Variants in MTUS2 observed in about 807,000 individuals in gnomAD.
MTUS2 encodes the protein microtubule-associated tumor suppressor candidate 2.
Under a neutral mutation model 114.1 loss-of-function variants are expected in MTUS2, and 40 were observed. The observed-to-expected ratio is 0.35, with a 90% CI of 0.27 to 0.46. MTUS2 has a LOEUF of 0.46. Among genes scored for constraint, MTUS2 ranks in the 20% least tolerant of loss-of-function variants. The pLI is 1.00. For synonymous variants in MTUS2, 688 were observed against 672.0 expected, an observed-to-expected ratio of 1.02 and a Z score of -0.37; for missense variants, 1,679 against 1,705.4, an observed-to-expected ratio of 0.98 and a Z score of 0.27.
chr13:29,160,396 A>T (rs1479855908), intron 5 of MTUS2, among the ~76,000 whole-genome samples: 1 of 152,236 alleles, frequency 6.6e-6, no homozygotes, highest in Non-Finnish European at 1.5e-5. Flanking sequence ...TAGAAAATAC[A>T]TGTTAATCCA....
intron 8 of MTUS2, among the ~76,000 whole-genome samples, chr13:29,369,199 A>G (rs1870993076): frequency 6.6e-6 from 1 of 152,210 alleles, no homozygotes; most frequent in Admixed American, 6.5e-5. Context: ...AAGGACAACC[A>G]GCTTTTCCTG....
At chr13:29,181,888 T>G (rs1894022186) in intron 5 of MTUS2, among the ~76,000 whole-genome samples, 1 of 151,788 alleles carries the variant, frequency 6.6e-6, no homozygotes, top group African/African-American at 2.4e-5. Context: ...AGAAAATAAC[T>G]AACAGATACT....
intron 5 of MTUS2, among the ~76,000 whole-genome samples, chr13:29,117,349 T>C (rs1167625485): frequency 2.0e-5 from 3 of 152,122 alleles, no homozygotes; most frequent in Non-Finnish European, 2.9e-5. Flanking sequence ...CCCCTGTCAT[T>C]CTTATCACCT....
intron 6 of MTUS2, among the ~76,000 whole-genome samples, chr13:29,304,211 A>G (rs559229408): frequency 2.6e-5 from 4 of 152,214 alleles, no homozygotes; most frequent in Admixed American, 6.5e-5. Flanking sequence ...CAGGGACACT[A>G]TGAAGCAACC....
At chr13:28,953,586 A>C (rs1390229241) in intron 2 of MTUS2, among the ~76,000 whole-genome samples, 1 of 152,130 alleles carries the variant, frequency 6.6e-6, no homozygotes, top group African/African-American at 2.4e-5. Flanking sequence ...TTGTCTTTCA[A>C]CTTTGCTTGT....
At chr13:29,394,301 G>A (rs1332767985) in intron 8 of MTUS2, among the ~76,000 whole-genome samples, 9 of 152,110 alleles carry the variant, frequency 5.9e-5, no homozygotes, top group Admixed American at 5.9e-4. Flanking sequence ...ATCAATACCT[G>A]TAAGGTGTAC....
intron 9 of MTUS2, among the ~76,000 whole-genome samples, chr13:29,467,212 A>G (rs1879952155): frequency 6.6e-6 from 1 of 152,244 alleles, no homozygotes; most frequent in South Asian, 2.1e-4. Context: ...AGTGGTCGCA[A>G]ACTTAAAACT....
intron 6 of MTUS2, among the ~76,000 whole-genome samples, chr13:29,317,681 A>T (rs568636699): frequency 9.2e-5 from 1 of 10,840 alleles, no homozygotes; most frequent in African/African-American, 1.8e-4. Flanking sequence ...CTCGTGATCC[A>T]CCCGCCTCGG....
intron 8 of MTUS2, among the ~76,000 whole-genome samples, chr13:29,362,286 G>A (rs971136579): frequency 2.6e-5 from 4 of 152,076 alleles, no homozygotes; most frequent in Non-Finnish European, 4.4e-5. Context: ...TGCCCAGCTG[G>A]CAAAGGCACT....
chr13:29,256,093 G>A (rs899964595), intron 5 of MTUS2, among the ~76,000 whole-genome samples: 5 of 152,182 alleles, frequency 3.3e-5, no homozygotes, highest in African/African-American at 7.2e-5. Flanking sequence ...GGCCCCAGGC[G>A]GTATGACAGT....
At chr13:29,502,713 C>T (rs1345085503) in intron 15 of MTUS2, among the ~76,000 whole-genome samples, 2 of 152,282 alleles carry the variant, frequency 1.3e-5, no homozygotes, top group African/African-American at 4.8e-5. Context: ...CTTTCAGTCG[C>T]TGGCCTTTGC....
At chr13:29,241,170 G>C (rs1285253804) in intron 5 of MTUS2, among the ~76,000 whole-genome samples, 1 of 152,126 alleles carries the variant, frequency 6.6e-6, no homozygotes, top group Non-Finnish European at 1.5e-5. Flanking sequence ...TGGGTTACAG[G>C]GCTTAGAGGT....
intron 6 of MTUS2, among the ~76,000 whole-genome samples, chr13:29,312,914 A>T (rs553506590): frequency 6.6e-6 from 1 of 152,370 alleles, no homozygotes; most frequent in South Asian, 2.1e-4. Flanking sequence ...AACAAGAAAG[A>T]TAAAAAGCTA....
In MTUS2 at chr13:28,901,663, A is replaced by C. The variant is rs183604585; in HGVS notation, c.-243+61813A>C. ...CTTTTGCTGTTATCAAATATTAGTT[A>C]GGCATATTTTTGTGAATCTATCTCT... On this transcript the variant is annotated intron_variant, in intron 2 of 15. Coordinates refer to ENST00000612955, the MANE Select transcript of MTUS2 (RefSeq NM_001033602.4). Among the ~76,000 whole-genome samples the C allele has an allele frequency of 5.9e-5, 9 of 152,256 alleles. No homozygotes were observed. The East Asian group carries it at 1.7e-3, about 29-fold the overall frequency.
intron 8 of MTUS2, among the ~76,000 whole-genome samples, chr13:29,400,419 T>A (rs1379959370): frequency 6.6e-6 from 1 of 152,212 alleles, no homozygotes; most frequent in Non-Finnish European, 1.5e-5. Context: ...GTTGAGATCT[T>A]AAGAGCATCT....
chr13:29,050,106 T>G, intron 4 of MTUS2, among the ~76,000 whole-genome samples: 1 of 152,250 alleles, frequency 6.6e-6, no homozygotes, highest in Middle Eastern at 3.4e-3. Flanking sequence ...CCTATTCCCC[T>G]TTCTCTCCTT....
chr13:29,141,451 G>T (rs1244868778), intron 5 of MTUS2, among the ~76,000 whole-genome samples: 1 of 152,138 alleles, frequency 6.6e-6, no homozygotes, highest in African/African-American at 2.4e-5. Context: ...TGTTGGAGAG[G>T]TGCAGATAAT....
In MTUS2 at chr13:29,468,600, A is replaced by ACG. The variant is rs545320852; in HGVS notation, c.3185-11549_3185-11548insGC. Among the ~76,000 whole-genome samples the ACG allele has an allele frequency of 6.7e-3, 1,011 of 151,914 alleles. 18 individuals carry two copies. The highest frequency in any genetic ancestry group is 0.023 in the African/African-American group (934 of 41,338). On this transcript the variant is annotated intron_variant, in intron 9 of 15. Transcript: ENST00000612955. ...TGTCTCAAAATACACACACACACAC[A>ACG]CACACACACACATTACTGAGATTTG... is the stretch of plus-strand genomic sequence containing the variant.
intron 2 of MTUS2, among the ~76,000 whole-genome samples, chr13:28,903,769 A>G (rs1245755024): frequency 6.6e-6 from 1 of 151,990 alleles, no homozygotes; most frequent in African/African-American, 2.4e-5. Flanking sequence ...TCCTTTGGGT[A>G]TATACCCAGT....
Sources: allele counts gnomAD v4.1 joint callset (sites outside exome capture counted in the v4.1 genomes callset), GRCh38; gene constraint gnomAD v4.1.1; transcripts MANE v1.5; gene names NCBI Gene and HGNC (gene_info 2026-07-23, HGNC 2026-07-21).